DNALI1: variants seen among roughly 807,000 people sequenced by gnomAD.
The protein encoded by DNALI1 is axonemal dynein light intermediate polypeptide 1.
In DNALI1, 31 loss-of-function variants were observed where a neutral mutation model predicts 33.9. The ratio of observed to expected loss-of-function variants is 0.91; its 90% CI spans 0.69 to 1.23. DNALI1 has a LOEUF of 1.23. Among genes scored for constraint, DNALI1 ranks in the 50% most tolerant of loss-of-function variants. The pLI, the probability that DNALI1 is intolerant of heterozygous loss-of-function variation, is 0.00. For missense variants in DNALI1, 305 were observed against 323.8 expected (o/e 0.94, Z 0.44); for synonymous variants, 117 against 129.2 (o/e 0.91, Z 0.64).
chr1:37,564,327 ACT>A (rs1423141221), intron 5 of DNALI1, among the ~76,000 whole-genome samples: 2 of 148,658 alleles, frequency 1.3e-5, no homozygotes, highest in Non-Finnish European at 3.0e-5. Flanking sequence ...CTGAAAATTC[ACT>A]GTTTCCCAAA....
intron 2 of DNALI1, 88 bp downstream of exon 2, chr1:37,557,836 T>C: frequency 6.4e-7 from 1 of 1,568,800 alleles, no homozygotes; most frequent in East Asian, 2.3e-5. Context: ...TCTGCCTCTG[T>C]TCCTGGCTGG....
chr1:37,557,498 A>G lies in DNALI1; in HGVS notation c.82-105A>G, dbSNP rs981443472. 3.4e-6 allele frequency: 5 copies of G among 1,453,172 alleles called. No individual in the cohort carries two copies. The African/African-American group carries it at 7.1e-5, about 21-fold the overall frequency. 90.0% of individuals were successfully genotyped at this position (1,453,172 alleles called of 1,614,324 possible). On this transcript the variant is annotated intron_variant, in intron 1 of 5. Transcript: ENST00000652629. The stretch of plus-strand genomic sequence containing the variant: ...GAAGACCGACCCAAAGTAGGCTAGG[A>G]AGAGGGGAGGGCTGTGCAGAAGACC...
Position 37,561,648 on chromosome 1 carries a change from C to T in DNALI1, c.489C>T (p.Ala163=). The change falls in exon 4 of 6, where the codon GCC becomes GCT. Residue 163 remains alanine, a synonymous_variant. Coordinates refer to ENST00000652629, the MANE Select transcript of DNALI1 (RefSeq NM_003462.5). The surrounding 1 kb of genome is among the most constrained non-coding windows in gnomAD (Gnocchi z 4.6). ...VRDEIRMTIA[A]YQTLYESSVA... is the part of the protein sequence containing the mutation. ...ACGAGATCCGCATGACCATCGCTGC[C>T]TACCAGACCCTGTACGAGAGCAGCG... 3 of 1,614,096 alleles carry T rather than the reference C, an allele frequency of 1.9e-6. No individual in the cohort carries two copies. Among genetic ancestry groups the T allele is most frequent in the Non-Finnish European group, 1.7e-6 (2 of 1,180,010 alleles).
Position 37,561,977 on chromosome 1 carries a change from A to C in DNALI1, c.577-104A>C. The stretch of plus-strand genomic sequence containing the variant: ...AGGCACTGACCTCCCACTGGGTGGC[A>C]GTATATACCCTGGCAATGTCATGTC... On this transcript the variant is annotated intron_variant, in intron 4 of 5. Coordinates refer to ENST00000652629, the MANE Select transcript of DNALI1 (RefSeq NM_003462.5). This position sits in a 1 kb window ranked among gnomAD's most constrained non-coding sequence, Gnocchi z 4.6. The C allele has an allele frequency of 6.5e-7, 1 of 1,529,212 alleles. No homozygotes were observed. The highest frequency in any genetic ancestry group is 8.9e-7 in the Non-Finnish European group (1 of 1,125,792). 94.7% of individuals were successfully genotyped at this position (1,529,212 alleles called of 1,614,324 possible).
At position 37,562,598 on chromosome 1, in the gene DNALI1, T is replaced by C. The variant is rs2148123350; in HGVS notation, c.741+353T>C. On this transcript the variant is annotated intron_variant, in intron 5 of 5. Coordinates refer to ENST00000652629, the MANE Select transcript of DNALI1 (RefSeq NM_003462.5). This position sits in a 1 kb window ranked among gnomAD's most constrained non-coding sequence, Gnocchi z 5.8. ...TGGAGGGGGCTGGGCTCCAGGTGGC[T>C]TGCGTGGTAGTGCCATCCCATGGCT... is the stretch of plus-strand genomic sequence containing the variant. Among the ~76,000 whole-genome samples, 1 of 152,076 alleles carries C rather than the reference T, an allele frequency of 6.6e-6. No individual in the cohort carries two copies. Among genetic ancestry groups the C allele is most frequent in the East Asian group, 1.9e-4 (1 of 5,150 alleles).
In DNALI1 at chr1:37,562,506, A is replaced by G. The variant is rs1457989786; in HGVS notation, c.741+261A>G. Among the ~76,000 whole-genome samples, 1 of 152,112 alleles carries G rather than the reference A, an allele frequency of 6.6e-6. No homozygotes were observed. Among genetic ancestry groups the G allele is most frequent in the Non-Finnish European group, 1.5e-5 (1 of 68,018 alleles). ...CCTGGAAAAAAGTTGCCCATCCTCA[A>G]GGAAGAGGTGGATATGGCAAAAAGT... On this transcript the variant is annotated intron_variant, in intron 5 of 5. Coordinates refer to ENST00000652629, the MANE Select transcript of DNALI1 (RefSeq NM_003462.5). This position sits in a 1 kb window ranked among gnomAD's most constrained non-coding sequence, Gnocchi z 5.8.
rs1643432503 is a variant in DNALI1, at chr1:37,561,019, C to G, written c.398-538C>G. On this transcript the variant is annotated intron_variant, in intron 3 of 5. Coordinates refer to ENST00000652629, the MANE Select transcript of DNALI1 (RefSeq NM_003462.5). This position sits in a 1 kb window ranked among gnomAD's most constrained non-coding sequence, Gnocchi z 4.6. ...ATGGACGCCGATCTGCAAACCACCTCCAAACCCTCAGGCAGCTGCAGGGTC... is the reference window on the plus strand; with the variant it reads ...ATGGACGCCGATCTGCAAACCACCTGCAAACCCTCAGGCAGCTGCAGGGTC... 2 of 153,100 alleles carry G rather than the reference C, an allele frequency of 1.3e-5. No homozygotes were observed. Among genetic ancestry groups the G allele is most frequent in the African/African-American group, 4.8e-5 (2 of 41,572 alleles). 9.5% of individuals were successfully genotyped at this position (153,100 alleles called of 1,614,324 possible).
chr1:37,557,815 G>T, intron 2 of DNALI1, 67 bp downstream of exon 2: 2 of 1,596,530 alleles, frequency 1.3e-6, no homozygotes, highest in Non-Finnish European at 1.7e-6. Context: ...TGGGAGTGTG[G>T]GGGGAGGCAC....
rs1643505336 is a variant in DNALI1 at position 37,566,654 on chromosome 1, C to T, written c.*1593C>T. 1 of 562,784 alleles carries T rather than the reference C, an allele frequency of 1.8e-6. No homozygotes were observed. Among genetic ancestry groups the T allele is most frequent in the Non-Finnish European group, 3.1e-6 (1 of 320,736 alleles). 34.9% of individuals were successfully genotyped at this position (562,784 alleles called of 1,614,324 possible). A position where few individuals can be genotyped will look rare whatever the true frequency, so the allele number is the denominator to read the frequency against. ...AACCTCTTAGTTCATCCAAAGTCTA[C>T]CTGAAGTGCTAGACTTTCAGACTCT... On this transcript the variant is annotated 3_prime_UTR_variant, in exon 6 of 6. Transcript: ENST00000652629.
rs1643450704 is a variant in DNALI1 at position 37,562,316 on chromosome 1, G to T, written c.741+71G>T. 3 of 1,536,652 alleles carry T rather than the reference G, an allele frequency of 2.0e-6. No individual in the cohort carries two copies. The East Asian group carries it at 7.2e-5, about 37-fold the overall frequency. On this transcript the variant is annotated intron_variant, in intron 5 of 5. Coordinates refer to ENST00000652629, the MANE Select transcript of DNALI1 (RefSeq NM_003462.5). This position sits in a 1 kb window ranked among gnomAD's most constrained non-coding sequence, Gnocchi z 5.8. ...CCCAGCCCCACAGGCCAGGCATTCG[G>T]TTCCTTTTCCATGGCTTTTAAATGT...
rs1343156705 is a variant in DNALI1, at chr1:37,562,515, T to C, written c.741+270T>C. Among the ~76,000 whole-genome samples the C allele has an allele frequency of 6.6e-6, 1 of 151,776 alleles. No homozygotes were observed. Reference sequence around the variant, plus strand: ...AAGTTGCCCATCCTCAAGGAAGAGGTGGATATGGCAAAAAGTGGAACTCCA... The same window carrying C: ...AAGTTGCCCATCCTCAAGGAAGAGGCGGATATGGCAAAAAGTGGAACTCCA... On this transcript the variant is annotated intron_variant, in intron 5 of 5. Transcript: ENST00000652629. The surrounding 1 kb of genome is among the most constrained non-coding windows in gnomAD (Gnocchi z 5.8).
intron 5 of DNALI1, among the ~76,000 whole-genome samples, chr1:37,564,584 T>C (rs1403905368): frequency 6.6e-6 from 1 of 152,136 alleles, no homozygotes; most frequent in African/African-American, 2.4e-5. Context: ...GGTTTCACCG[T>C]GTTATCCAGG....
rs1266159589 is a variant in DNALI1, at chr1:37,559,459, C to G, written c.360C>G (p.Ile120Met). 6.2e-7 allele frequency: 1 copy of G among 1,612,796 alleles called. No individual in the cohort carries two copies. The highest frequency in any genetic ancestry group is 1.7e-5 in the Admixed American group (1 of 59,916). ...LQQRQARETGICPVRRELYSQ... is the reference protein window; with the variant it reads ...LQQRQARETGMCPVRRELYSQ... ...AGCGGCAGGCCAGGGAAACAGGCAT[C>G]TGCCCTGTCCGCAGGGAACTCTACT... is the stretch of plus-strand genomic sequence containing the variant. Residue 120 changes from isoleucine to methionine, a missense_variant, in exon 3 of 6, where the codon ATC becomes ATG. Coordinates refer to ENST00000652629, the MANE Select transcript of DNALI1 (RefSeq NM_003462.5). This position sits in a 1 kb window ranked among gnomAD's most constrained non-coding sequence, Gnocchi z 5.3.
Position 37,562,289 on chromosome 1 carries a change from G to T in DNALI1, c.741+44G>T. The T allele has an allele frequency of 6.3e-7, 1 of 1,585,232 alleles. No individual in the cohort carries two copies. The highest frequency in any genetic ancestry group is 1.1e-5 in the South Asian group (1 of 88,350). On this transcript the variant is annotated intron_variant, in intron 5 of 5. Transcript: ENST00000652629. The surrounding 1 kb of genome is among the most constrained non-coding windows in gnomAD (Gnocchi z 5.8). ...GGGGTGGAGGTGCCCCCTGCCCTGC[G>T]ACCCAGCCCCACAGGCCAGGCATTC...
rs112952875 is a variant in DNALI1 at position 37,559,470 on chromosome 1, G to A, written c.371G>A (p.Arg124His). ...AGGGAAACAGGCATCTGCCCTGTCC[G>A]CAGGGAACTCTACTCACAGTGTTTT... ...QARETGICPV[R>H]RELYSQCFDE... Residue 124 changes from arginine to histidine, a missense_variant, in exon 3 of 6, where the codon CGC (arginine) becomes CAC (histidine). Arg to His is a conservative substitution (Grantham distance 29, BLOSUM62 0). Coordinates refer to ENST00000652629, the MANE Select transcript of DNALI1 (RefSeq NM_003462.5). The surrounding 1 kb of genome is among the most constrained non-coding windows in gnomAD (Gnocchi z 5.3). 41 of 1,610,884 alleles carry A rather than the reference G, an allele frequency of 2.5e-5. No homozygotes were observed. The highest frequency in any genetic ancestry group is 6.7e-5 in the East Asian group (3 of 44,798).
At chr1:37,560,968 C>G (rs1353718493) in intron 3 of DNALI1, 1 of 152,506 alleles carries the variant, frequency 6.6e-6, no homozygotes, top group Non-Finnish European at 1.5e-5. Context: ...AAATGGCTGT[C>G]TCCCAGCCCA....
Position 37,562,266 on chromosome 1 carries a change from G to C in DNALI1, c.741+21G>C, listed in dbSNP as rs770080333. ...TGAAGGTAATCAACGCGCAGGGTGG[G>C]GTGGAGGTGCCCCCTGCCCTGCGAC... On this transcript the variant is annotated intron_variant, in intron 5 of 5. Transcript: ENST00000652629. This position sits in a 1 kb window ranked among gnomAD's most constrained non-coding sequence, Gnocchi z 5.8. The C allele has an allele frequency of 8.7e-6, 14 of 1,604,410 alleles. No individual in the cohort carries two copies. Among genetic ancestry groups the C allele is most frequent in the Non-Finnish European group, 1.2e-5 (14 of 1,175,412 alleles).
chr1:37,565,268 C>T lies in DNALI1; in HGVS notation c.*207C>T, dbSNP rs974363818. 1.7e-6 allele frequency: 1 copy of T among 598,464 alleles called. No homozygotes were observed. Among genetic ancestry groups the T allele is most frequent in the East Asian group, 2.9e-5 (1 of 34,874 alleles). 37.1% of individuals were successfully genotyped at this position (598,464 alleles called of 1,614,324 possible). A position where few individuals can be genotyped will look rare whatever the true frequency, so the allele number is the denominator to read the frequency against. On this transcript the variant is annotated 3_prime_UTR_variant, in exon 6 of 6. Transcript: ENST00000652629. Reference sequence around the variant, plus strand: ...TCATCAGACACCTAAGGTCTGCCAGCCAGGCTCCTGGCTGGGCAATGGAAG... The same window carrying T: ...TCATCAGACACCTAAGGTCTGCCAGTCAGGCTCCTGGCTGGGCAATGGAAG...
rs750022855 is a variant in DNALI1, at chr1:37,557,005, C to A, written c.11C>A (p.Pro4His). 2 of 1,614,234 alleles carry A rather than the reference C, an allele frequency of 1.2e-6. No individual in the cohort carries two copies. Among genetic ancestry groups the A allele is most frequent in the South Asian group, 2.2e-5 (2 of 91,090 alleles). Residue 4 changes from proline to histidine, a missense_variant, in exon 1 of 6, where the codon CCC becomes CAC. Transcript: ENST00000652629. The part of the protein sequence containing the change: MIP[P>H]ADSLLKYDTP... The stretch of plus-strand genomic sequence containing the variant: ...ACTCTCGCCTCCGCCATGATTCCGC[C>A]CGCAGACTCTTTGCTCAAGTACGAC...
Sources: allele counts gnomAD v4.1 joint callset (sites outside exome capture counted in the v4.1 genomes callset), GRCh38; gene constraint gnomAD v4.1.1; non-coding constraint Gnocchi (gnomAD v3.1); transcripts MANE v1.5; gene names NCBI Gene and HGNC (gene_info 2026-07-23, HGNC 2026-07-21).